SLC41A3: variants seen among roughly 807,000 people sequenced by gnomAD.
SLC41A3 encodes the protein solute carrier family 41 member 3, also known as SLC41A1-like 2.
In SLC41A3, 44 loss-of-function variants were observed where a neutral mutation model predicts 45.4. The observed-to-expected ratio is 0.97, with a 90% CI of 0.76 to 1.25. SLC41A3 has a LOEUF of 1.25. Ranked by LOEUF, SLC41A3 falls within the 50% of genes most tolerant of loss-of-function variation. The pLI is 0.00. For synonymous variants in SLC41A3, 256 were observed against 252.4 expected (o/e 1.01, Z -0.13); for missense variants, 550 against 600.6 (o/e 0.92, Z 0.88).
Position 126,068,262 on chromosome 3 carries a change from C to A in SLC41A3, c.-27-16G>T. The A allele has an allele frequency of 2.7e-6, 4 of 1,480,472 alleles. 1 individual carries two copies. Among genetic ancestry groups the A allele is most frequent in the South Asian group, 2.9e-5 (2 of 68,346 alleles). 91.7% of individuals were successfully genotyped at this position (1,480,472 alleles called of 1,614,324 possible). A position where few individuals can be genotyped will look rare whatever the true frequency, so the allele number is the denominator to read the frequency against. Reference sequence around the variant, plus strand: ...CCTGGCAGCCCTACAGTGGGAGACACAAAGTTGTAGGGCCAAGTTCCTGAT... The same window carrying A: ...CCTGGCAGCCCTACAGTGGGAGACAAAAAGTTGTAGGGCCAAGTTCCTGAT... On this transcript the variant is annotated splice_polypyrimidine_tract_variant and intron_variant, in intron 1 of 10. Transcript: ENST00000360370.
intron 6 of SLC41A3, among the ~76,000 whole-genome samples, chr3:126,021,640 T>C (rs995723612): frequency 6.6e-6 from 1 of 152,134 alleles, no homozygotes; most frequent in Admixed American, 6.5e-5. Context: ...GGGGGACAGA[T>C]TTATAATTGC....
In SLC41A3 at chr3:126,018,054, A is replaced by G. The variant is rs369487300; in HGVS notation, c.746-1179T>C. On this transcript the variant is annotated intron_variant, in intron 6 of 10. Transcript: ENST00000360370. The stretch of plus-strand genomic sequence containing the variant: ...CATGCTTTCCCCAGCACACCTCCCC[A>G]ATATGCAATGCCAATTCCCAACTAC... 7.2e-5 allele frequency among the ~76,000 whole-genome samples: 11 copies of G among 152,224 alleles called. No homozygotes were observed. The East Asian group carries it at 1.7e-3, about 24-fold the overall frequency.
At chr3:126,015,454 C>T (rs371182225) in intron 8 of SLC41A3, 40 bp downstream of exon 8, 4 of 1,607,190 alleles carry the variant, frequency 2.5e-6, no homozygotes, top group Non-Finnish European at 2.6e-6. Flanking sequence ...TGTGGGCCTA[C>T]CCAACCCAGG....
At chr3:126,069,281 G>A (rs550511844) in intron 1 of SLC41A3, among the ~76,000 whole-genome samples, 8 of 152,110 alleles carry the variant, frequency 5.3e-5, no homozygotes, top group Non-Finnish European at 8.8e-5. Context: ...GGTGAGCACC[G>A]GACTGGATGT....
chr3:126,056,637 G>T (rs948034617), intron 2 of SLC41A3: 1 of 1,498,466 alleles, frequency 6.7e-7, no homozygotes, highest in Non-Finnish European at 8.9e-7. Flanking sequence ...ACACCAGGAC[G>T]CTGTTCCCAA....
At chr3:126,078,701 G>A (rs1944998856) in intron 1 of SLC41A3, among the ~76,000 whole-genome samples, 1 of 152,132 alleles carries the variant, frequency 6.6e-6, no homozygotes, top group Non-Finnish European at 1.5e-5. Flanking sequence ...AGGAAACAGA[G>A]AATTAAAAGA....
intron 3 of SLC41A3, among the ~76,000 whole-genome samples, chr3:126,043,221 T>TG (rs1942709094): frequency 6.6e-6 from 1 of 152,088 alleles, no homozygotes; most frequent in African/African-American, 2.4e-5. Flanking sequence ...AGCATAAACT[T>TG]GCAGTCCAGA....
intron 1 of SLC41A3, among the ~76,000 whole-genome samples, chr3:126,069,566 A>C (rs1576352722): frequency 6.6e-6 from 1 of 152,234 alleles, no homozygotes; most frequent in Admixed American, 6.5e-5. Flanking sequence ...TTAAAGGTCT[A>C]GTTTTCAACA....
intron 1 of SLC41A3, among the ~76,000 whole-genome samples, chr3:126,070,003 A>G (rs1469997155): frequency 6.6e-6 from 1 of 152,224 alleles, no homozygotes; most frequent in Non-Finnish European, 1.5e-5. Context: ...TATCAAGCAT[A>G]ACAATATAAA....
intron 1 of SLC41A3, among the ~76,000 whole-genome samples, chr3:126,072,301 C>A (rs1944655891): frequency 2.1e-5 from 3 of 146,222 alleles, no homozygotes; most frequent in East Asian, 2.0e-4. Flanking sequence ...CAAACTAAAC[C>A]CAAAAAAGTA....
chr3:126,009,829 T>C (rs1044531089), intron 9 of SLC41A3, among the ~76,000 whole-genome samples: 4 of 152,232 alleles, frequency 2.6e-5, no homozygotes, highest in Non-Finnish European at 4.4e-5. Context: ...AGGAAAACCA[T>C]GTAAACAATA....
intron 6 of SLC41A3, among the ~76,000 whole-genome samples, chr3:126,020,964 G>A (rs573247468): frequency 5.3e-5 from 8 of 151,142 alleles, no homozygotes; most frequent in East Asian, 1.9e-4. Context: ...GCGCTATCCC[G>A]GCTCACTGCA....
At chr3:126,013,287 T>A (rs1353334323) in intron 8 of SLC41A3, among the ~76,000 whole-genome samples, 1 of 151,126 alleles carries the variant, frequency 6.6e-6, no homozygotes, top group Non-Finnish European at 1.5e-5. Context: ...GGGCCAGGCA[T>A]GGTGGCTCAT....
intron 1 of SLC41A3, among the ~76,000 whole-genome samples, chr3:126,083,717 A>T (rs72965924): frequency 2.6e-5 from 4 of 151,478 alleles, no homozygotes; most frequent in Admixed American, 2.6e-4. Context: ...TGCACACCGC[A>T]GCGGTGTGGG....
intron 1 of SLC41A3, among the ~76,000 whole-genome samples, chr3:126,096,641 AC>A (rs1245451714): frequency 6.6e-6 from 1 of 152,160 alleles, no homozygotes; most frequent in Non-Finnish European, 1.5e-5. Context: ...AGCCAGACCC[AC>A]CCCTTTATTC....
At chr3:126,056,330 CCT>C in intron 2 of SLC41A3, 3 of 1,607,730 alleles carry the variant, frequency 1.9e-6, no homozygotes, top group Non-Finnish European at 2.5e-6. Flanking sequence ...GTCTCCCACC[CCT>C]GATCCCCCAA....
intron 2 of SLC41A3, among the ~76,000 whole-genome samples, chr3:126,059,306 GAA>G (rs1943919695): frequency 9.3e-6 from 1 of 107,676 alleles, no homozygotes. Flanking sequence ...AAGAAAGAAA[GAA>G]AGGAAGGATG....
intron 6 of SLC41A3, among the ~76,000 whole-genome samples, chr3:126,020,837 T>A (rs1940788162): frequency 6.6e-6 from 1 of 152,216 alleles, no homozygotes. Flanking sequence ...CCCAGGTCTT[T>A]AGATAAACTC....
At chr3:126,051,829 T>C (rs1943356181) in intron 2 of SLC41A3, among the ~76,000 whole-genome samples, 1 of 152,106 alleles carries the variant, frequency 6.6e-6, no homozygotes, top group South Asian at 2.1e-4. Context: ...GTTTTGGAAT[T>C]CTAGACCTGG....
Sources: allele counts gnomAD v4.1 joint callset (sites outside exome capture counted in the v4.1 genomes callset), GRCh38; gene constraint gnomAD v4.1.1; transcripts MANE v1.5; gene names NCBI Gene and HGNC (gene_info 2026-07-23, HGNC 2026-07-21).